The following LRP6 variants were observed in gnomAD, a reference collection of about 807,000 sequenced individuals.
The protein encoded by LRP6 is low-density lipoprotein receptor-related protein 6.
In LRP6, 43 loss-of-function variants were observed where a neutral mutation model predicts 184.1. The ratio of observed to expected loss-of-function variants is 0.23; its 90% CI spans 0.18 to 0.30. The LOEUF is 0.30. Among genes scored for constraint, LRP6 ranks in the 10% least tolerant of loss-of-function variants. The pLI is 1.00. For synonymous variants in LRP6, 719 were observed against 684.9 expected, an observed-to-expected ratio of 1.05 and a Z score of -0.78; for missense variants, 1,571 against 2,005.3, an observed-to-expected ratio of 0.78 and a Z score of 4.14.
At chr12:12,121,805 T>C (rs1279813969) in intron 22 of LRP6, among the ~76,000 whole-genome samples, 3 of 152,192 alleles carry the variant, frequency 2.0e-5, no homozygotes, top group South Asian at 2.1e-4. Context: ...TACTCAAACA[T>C]GTCAGCATTC....
intron 2 of LRP6, among the ~76,000 whole-genome samples, chr12:12,204,176 CAAAA>C (rs893934261): frequency 1.1e-4 from 17 of 148,812 alleles, no homozygotes; most frequent in African/African-American, 4.2e-4. Flanking sequence ...TTCCTGCCCC[CAAAA>C]AATGCATACC....
intron 2 of LRP6, among the ~76,000 whole-genome samples, chr12:12,204,303 G>T (rs538909083): frequency 2.0e-5 from 3 of 150,274 alleles, no homozygotes; most frequent in Non-Finnish European, 4.5e-5. Flanking sequence ...AAAAAAGGAG[G>T]GGGGGGTCAG....
intron 22 of LRP6, among the ~76,000 whole-genome samples, chr12:12,123,391 A>G (rs78087439): frequency 6.6e-6 from 1 of 152,242 alleles, no homozygotes; most frequent in South Asian, 2.1e-4. Context: ...AGCCAAGGCT[A>G]TTTCAGTCTT....
At chr12:12,167,742 G>T (rs559541446) in intron 7 of LRP6, among the ~76,000 whole-genome samples, 1 of 151,976 alleles carries the variant, frequency 6.6e-6, no homozygotes, top group South Asian at 2.1e-4. Context: ...GCACTATCTG[G>T]TAAACACTGG....
rs550587604 is a variant in LRP6, at chr12:12,119,990, A to AATATATATATATATAT, written c.*1120_*1135dup. On this transcript the variant is annotated 3_prime_UTR_variant, in exon 23 of 23. Coordinates refer to ENST00000261349, the MANE Select transcript of LRP6 (RefSeq NM_002336.3). ...ACTCAGAAAACAAACAAACAAACAA[A>AATATATATATATATAT]ATATATATATATATATATATATATA... is the stretch of plus-strand genomic sequence containing the variant. The AATATATATATATATAT allele has an allele frequency of 1.3e-4, 6 of 45,520 alleles. No homozygotes were observed. The highest frequency in any genetic ancestry group is 7.9e-4 in the East Asian group (1 of 1,270). The allele number at this position is 45,520 out of a possible 1,614,324, so 2.8% of individuals were successfully genotyped here. A position where few individuals can be genotyped will look rare whatever the true frequency, so the allele number is the denominator to read the frequency against.
chr12:12,126,550 A>C, intron 20 of LRP6, 141 bp downstream of exon 20: 1 of 719,772 alleles, frequency 1.4e-6, no homozygotes, highest in Non-Finnish European at 2.4e-6. Context: ...AATAGTAAAA[A>C]AGAACGTTTG....
Position 12,140,848 on chromosome 12 carries a change from C to T in LRP6, c.3398-2314G>A, listed in dbSNP as rs534721379. Among the ~76,000 whole-genome samples, 21 of 152,116 alleles carry T rather than the reference C, an allele frequency of 1.4e-4. No individual in the cohort carries two copies. In the East Asian group the frequency reaches 2.9e-3, roughly 21 times the overall value. On this transcript the variant is annotated intron_variant, in intron 15 of 22. Transcript: ENST00000261349. ...TGAACTCCTGACCTCATGATCTGCCCGCCTCAGCCTCCAAAAGTGCTGGGA... is the reference window on the plus strand; with the variant it reads ...TGAACTCCTGACCTCATGATCTGCCTGCCTCAGCCTCCAAAAGTGCTGGGA...
At chr12:12,188,899 CAGAG>C (rs370324468) in intron 3 of LRP6, among the ~76,000 whole-genome samples, 4 of 151,900 alleles carry the variant, frequency 2.6e-5, no homozygotes, top group South Asian at 2.1e-4. Context: ...ATGGTGGAAA[CAGAG>C]AGAGAACTGA....
chr12:12,138,896 G>C lies in LRP6; in HGVS notation c.3398-362C>G, dbSNP rs150190776. 15 of 1,371,648 alleles carry C rather than the reference G, an allele frequency of 1.1e-5. No individual in the cohort carries two copies. In the African/African-American group the frequency reaches 1.9e-4, roughly 17 times the overall value. 85.0% of individuals were successfully genotyped at this position (1,371,648 alleles called of 1,614,324 possible). A position where few individuals can be genotyped will look rare whatever the true frequency, so the allele number is the denominator to read the frequency against. On this transcript the variant is annotated intron_variant, in intron 15 of 22. Transcript: ENST00000261349. ...TGGACCCAGAGTTCTGAGTATACCTGAGGCATTTATGAAGAACAGCTTCAC... is the reference window on the plus strand; with the variant it reads ...TGGACCCAGAGTTCTGAGTATACCTCAGGCATTTATGAAGAACAGCTTCAC...
chr12:12,252,489 T>A (rs1865347846), intron 1 of LRP6, among the ~76,000 whole-genome samples: 1 of 152,204 alleles, frequency 6.6e-6, no homozygotes, highest in South Asian at 2.1e-4. Flanking sequence ...ATAGGTAAAA[T>A]GTTATTAATA....
intron 2 of LRP6, among the ~76,000 whole-genome samples, chr12:12,236,890 T>A (rs986689106): frequency 6.6e-6 from 1 of 151,370 alleles, no homozygotes; most frequent in East Asian, 1.9e-4. Context: ...ACCCAGAAGC[T>A]CTCCAAACCC....
At chr12:12,205,135 C>A (rs1305358563) in intron 2 of LRP6, among the ~76,000 whole-genome samples, 1 of 151,276 alleles carries the variant, frequency 6.6e-6, no homozygotes, top group Non-Finnish European at 1.5e-5. Flanking sequence ...TCAAGACCAG[C>A]CTGTCCAACA....
intron 8 of LRP6, 149 bp downstream of exon 8, chr12:12,164,930 A>T (rs1862836664): frequency 8.5e-6 from 2 of 233,920 alleles, no homozygotes; most frequent in African/African-American, 2.7e-4. Context: ...AAAAAAAAAA[A>T]AAAAAAAAAA....
intron 2 of LRP6, among the ~76,000 whole-genome samples, chr12:12,206,749 T>A (rs946902597): frequency 4.6e-5 from 7 of 151,644 alleles, no homozygotes; most frequent in Non-Finnish European, 5.9e-5. Context: ...CTCTATTTTT[T>A]AAAATGAAAA....
At chr12:12,248,914 A>G (rs772424953) in intron 1 of LRP6, 3 of 375,638 alleles carry the variant, frequency 8.0e-6, no homozygotes, top group Non-Finnish European at 1.5e-5. Context: ...TCCTATATAT[A>G]GGTATCCTAA....
chr12:12,200,943 T>C (rs537693974), intron 3 of LRP6, among the ~76,000 whole-genome samples: 1 of 152,340 alleles, frequency 6.6e-6, no homozygotes, highest in Admixed American at 6.5e-5. Flanking sequence ...ATAAGAGCTT[T>C]TGTTTTTTCC....
chr12:12,121,403 T>G lies in LRP6; in HGVS notation c.4565A>C (p.Tyr1522Ser). 1.9e-6 allele frequency: 3 copies of G among 1,614,094 alleles called. No individual in the cohort carries two copies. Among genetic ancestry groups the G allele is most frequent in the Non-Finnish European group, 2.5e-6 (3 of 1,180,010 alleles). Residue 1522 changes from tyrosine (Y) to serine (S), a missense_variant, in exon 23 of 23, where the codon TAC (tyrosine) becomes TCC (serine). Tyr to Ser is a moderately radical substitution (Grantham distance 144). Transcript: ENST00000261349. ...HRSYSYRPYSYRHFAPPTTPC... is the reference protein window; with the variant it reads ...HRSYSYRPYSSRHFAPPTTPC... ...TGTGGTGGGGGGTGCAAAGTGCCGG[T>G]AGCTATATGGCCTGTAGCTGGTATA... is the stretch of plus-strand genomic sequence containing the variant.
At chr12:12,157,101 T>C (rs1317605096) in intron 12 of LRP6, among the ~76,000 whole-genome samples, 1 of 152,230 alleles carries the variant, frequency 6.6e-6, no homozygotes, top group South Asian at 2.1e-4. Flanking sequence ...TCTTGAACTA[T>C]ACCTTCTCTT....
At chr12:12,266,094 T>C (rs762820826) in intron 1 of LRP6, among the ~76,000 whole-genome samples, 1 of 152,152 alleles carries the variant, frequency 6.6e-6, no homozygotes, top group Non-Finnish European at 1.5e-5. Context: ...AGGCTCCCAA[T>C]GCTGAAACGC....
Sources: gnomAD v4.1 joint callset for allele counts (sites outside exome capture counted in the v4.1 genomes callset) on GRCh38, gnomAD v4.1.1 for gene constraint, MANE v1.5 for transcripts, NCBI Gene and HGNC (gene_info 2026-07-23, HGNC 2026-07-21) for gene names.